The following SCRN1 variants were observed in gnomAD, a reference collection of about 807,000 sequenced individuals.
SCRN1 encodes the protein secernin-1.
SCRN1 carries 19 observed loss-of-function variants against 43.3 expected under a neutral mutation model. The observed-to-expected ratio is 0.44, with a 90% CI of 0.31 to 0.64. The LOEUF (loss-of-function observed/expected upper bound fraction) is 0.64, where lower values mean the gene tolerates loss of function less well. Among genes scored for constraint, SCRN1 ranks in the 30% least tolerant of loss-of-function variants. The pLI, the probability that SCRN1 is intolerant of heterozygous loss-of-function variation, is 0.09. For synonymous variants in SCRN1, 183 were observed against 188.9 expected (o/e 0.97, Z 0.26); for missense variants, 447 against 524.1 (o/e 0.85, Z 1.44).
intron 1 of SCRN1, among the ~76,000 whole-genome samples, chr7:29,971,022 C>T (rs1037116269): frequency 6.6e-6 from 1 of 152,228 alleles, no homozygotes; most frequent in Non-Finnish European, 1.5e-5. Flanking sequence ...GCATTACAGG[C>T]ACTCAAGAAA....
At chr7:29,977,242 A>G (rs1007654985) in intron 1 of SCRN1, among the ~76,000 whole-genome samples, 1 of 152,190 alleles carries the variant, frequency 6.6e-6, no homozygotes, top group Non-Finnish European at 1.5e-5. Flanking sequence ...AGACTTCCCT[A>G]TTCTCCACAC....
intron 1 of SCRN1, 152 bp from the exon 2 acceptor site, chr7:29,969,220 T>G: frequency 1.2e-6 from 1 of 837,114 alleles, no homozygotes; most frequent in Non-Finnish European, 1.8e-6. Context: ...CAAATGAAGG[T>G]GGGACGCCTG....
chr7:29,979,002 C>T (rs184873981), intron 1 of SCRN1, among the ~76,000 whole-genome samples: 1 of 152,336 alleles, frequency 6.6e-6, no homozygotes, highest in East Asian at 1.9e-4. Context: ...CAAAAGTATT[C>T]TTCAAGTCAC....
chr7:29,947,478 T>C (rs1226126591), intron 3 of SCRN1, among the ~76,000 whole-genome samples: 2 of 152,242 alleles, frequency 1.3e-5, no homozygotes, highest in Admixed American at 6.5e-5. Flanking sequence ...CATGGATATA[T>C]AATCACTGAC....
chr7:29,935,956 C>T (rs1286876728), intron 6 of SCRN1, among the ~76,000 whole-genome samples: 2 of 152,162 alleles, frequency 1.3e-5, no homozygotes, highest in African/African-American at 4.8e-5. Flanking sequence ...AGGTCGGATT[C>T]ACAATCCTGG....
intron 6 of SCRN1, 21 bp from the exon 7 acceptor site, chr7:29,926,653 C>G: frequency 6.2e-7 from 1 of 1,604,154 alleles, no homozygotes. Context: ...AGGAGAGGCA[C>G]TTCAGCCAGG....
intron 3 of SCRN1, among the ~76,000 whole-genome samples, chr7:29,954,330 T>TA (rs1788057206): frequency 6.6e-6 from 1 of 151,874 alleles, no homozygotes; most frequent in African/African-American, 2.4e-5. Flanking sequence ...TTTTCATATT[T>TA]TTATATATAT....
At chr7:29,985,517 A>G (rs921293323) in intron 1 of SCRN1, among the ~76,000 whole-genome samples, 7 of 152,132 alleles carry the variant, frequency 4.6e-5, no homozygotes, top group African/African-American at 1.7e-4. Flanking sequence ...CAGGTCCCCT[A>G]ACTTGCAGCC....
At chr7:29,940,280 G>C (rs1477590761) in intron 5 of SCRN1, among the ~76,000 whole-genome samples, 1 of 152,166 alleles carries the variant, frequency 6.6e-6, no homozygotes, top group Admixed American at 6.5e-5. Context: ...AAATTATACA[G>C]GCATCAAAAA....
chr7:29,934,666 G>A (rs1251048433), intron 6 of SCRN1, among the ~76,000 whole-genome samples: 1 of 152,224 alleles, frequency 6.6e-6, no homozygotes, highest in Non-Finnish European at 1.5e-5. Flanking sequence ...CAAAAAGTGG[G>A]TAGAAGGTAT....
At chr7:29,983,622 A>C (rs568359434) in intron 1 of SCRN1, among the ~76,000 whole-genome samples, 21 of 152,324 alleles carry the variant, frequency 1.4e-4, no homozygotes, top group Admixed American at 1.2e-3. Flanking sequence ...TTTTGGAGAA[A>C]ATCTGACAAA....
intron 3 of SCRN1, chr7:29,947,074 G>A: frequency 1.7e-6 from 2 of 1,201,812 alleles, no homozygotes; most frequent in African/African-American, 1.5e-5. Context: ...CTCTGCCTGG[G>A]CAGGACCAGG....
chr7:29,943,176 G>A (rs1787614681), intron 4 of SCRN1, among the ~76,000 whole-genome samples: 1 of 152,218 alleles, frequency 6.6e-6, no homozygotes, highest in Non-Finnish European at 1.5e-5. Flanking sequence ...TAGCACAGGA[G>A]GGAAGAATGG....
chr7:29,928,949 C>T (rs933974110), intron 6 of SCRN1, among the ~76,000 whole-genome samples: 2 of 152,178 alleles, frequency 1.3e-5, no homozygotes, highest in African/African-American at 4.8e-5. Flanking sequence ...GGAGGGCTCG[C>T]TGCAATGGAG....
chr7:29,968,858 A>G, intron 2 of SCRN1, 51 bp downstream of exon 2: 1 of 1,608,308 alleles, frequency 6.2e-7, no homozygotes, highest in Non-Finnish European at 8.5e-7. Context: ...TGCTAGCGGC[A>G]AAGCCAGAGA....
chr7:29,976,284 C>A (rs373391555), intron 1 of SCRN1, among the ~76,000 whole-genome samples: 32 of 152,220 alleles, frequency 2.1e-4, no homozygotes, highest in African/African-American at 7.7e-4. Flanking sequence ...AACGAAGGAA[C>A]CAAATTTTTA....
intron 5 of SCRN1, among the ~76,000 whole-genome samples, chr7:29,939,944 G>GT (rs1261358696): frequency 2.0e-5 from 3 of 151,610 alleles, no homozygotes; most frequent in Non-Finnish European, 2.9e-5. Flanking sequence ...GAGCCCAGGA[G>GT]TGTCAGACCA....
At chr7:29,989,488 G>C (rs1007630136) in intron 1 of SCRN1, among the ~76,000 whole-genome samples, 154 bp downstream of exon 1, 2 of 152,328 alleles carry the variant, frequency 1.3e-5, no homozygotes, top group African/African-American at 2.4e-5. Flanking sequence ...CAGCCCGCCC[G>C]GGCCAGCACC....
chr7:29,980,569 A>C (rs567331797), intron 1 of SCRN1, among the ~76,000 whole-genome samples: 1 of 152,334 alleles, frequency 6.6e-6, no homozygotes, highest in Non-Finnish European at 1.5e-5. Flanking sequence ...AATGGTCGTT[A>C]GCCATTTAAC....
Sources: gnomAD v4.1 joint callset for allele counts (sites outside exome capture counted in the v4.1 genomes callset) on GRCh38, gnomAD v4.1.1 for gene constraint, MANE v1.5 for transcripts, NCBI Gene and HGNC (gene_info 2026-07-23, HGNC 2026-07-21) for gene names.